The following UNC5C variants were observed in gnomAD, a reference collection of about 807,000 sequenced individuals.
UNC5C encodes netrin receptor UNC5C.
A neutral mutation model predicts 99.8 loss-of-function variants in UNC5C; 47 were observed. The observed-to-expected ratio is 0.47, with a 90% CI of 0.37 to 0.60. The LOEUF (loss-of-function observed/expected upper bound fraction) is 0.60, where lower values mean the gene tolerates loss of function less well. Ranked by LOEUF, UNC5C falls within the 20% of genes least tolerant of loss-of-function variation. The pLI, the probability that UNC5C is intolerant of heterozygous loss-of-function variation, is 0.00. For missense variants in UNC5C, 1,062 were observed against 1,165.9 expected (o/e 0.91, Z 1.30); for synonymous variants, 487 against 452.2 (o/e 1.08, Z -0.98).
intron 1 of UNC5C, among the ~76,000 whole-genome samples, chr4:95,435,768 G>T (rs1013214443): frequency 1.3e-5 from 2 of 151,948 alleles, no homozygotes; most frequent in African/African-American, 2.4e-5. Context: ...AGCAAACTTA[G>T]GTCTCTTTCA....
At chr4:95,440,972 A>G (rs1225153958) in intron 1 of UNC5C, among the ~76,000 whole-genome samples, 1 of 152,194 alleles carries the variant, frequency 6.6e-6, no homozygotes, top group Non-Finnish European at 1.5e-5. Flanking sequence ...GAAGAATCTG[A>G]AAGGACTTCA....
chr4:95,287,579 C>T (rs1044884644), intron 3 of UNC5C, among the ~76,000 whole-genome samples: 12 of 152,284 alleles, frequency 7.9e-5, no homozygotes, highest in Middle Eastern at 3.4e-3. Context: ...CCTTCCAGCT[C>T]GTGTGTCTAT....
chr4:95,261,734 C>T (rs1317573527), intron 4 of UNC5C, among the ~76,000 whole-genome samples: 6 of 148,926 alleles, frequency 4.0e-5, no homozygotes, highest in African/African-American at 1.2e-4. Flanking sequence ...AACGGTGTCT[C>T]GCTCTGTCGC....
At chr4:95,311,330 T>C (rs1028577131) in intron 2 of UNC5C, among the ~76,000 whole-genome samples, 3 of 152,192 alleles carry the variant, frequency 2.0e-5, no homozygotes, top group African/African-American at 4.8e-5. Context: ...GACAGCACTT[T>C]GTTTAATTTG....
At chr4:95,417,961 G>C (rs1746215227) in intron 1 of UNC5C, among the ~76,000 whole-genome samples, 1 of 152,154 alleles carries the variant, frequency 6.6e-6, no homozygotes, top group Non-Finnish European at 1.5e-5. Context: ...GACTCTTGCT[G>C]TATTTTGTTC....
intron 5 of UNC5C, among the ~76,000 whole-genome samples, chr4:95,246,025 A>G (rs1739491619): frequency 6.6e-6 from 1 of 152,232 alleles, no homozygotes; most frequent in Non-Finnish European, 1.5e-5. Flanking sequence ...CACAAACCTT[A>G]TATGTGCACA....
chr4:95,250,392 A>G, intron 5 of UNC5C, 95 bp downstream of exon 5: 2 of 1,331,754 alleles, frequency 1.5e-6, no homozygotes, highest in Non-Finnish European at 2.1e-6. Context: ...CTCAAATAAT[A>G]TGAAATTTTA....
At chr4:95,434,741 G>T (rs752954725) in intron 1 of UNC5C, among the ~76,000 whole-genome samples, 1 of 151,886 alleles carries the variant, frequency 6.6e-6, no homozygotes, top group African/African-American at 2.4e-5. Context: ...ATCTTTCTCC[G>T]CATTGGTCTC....
At chr4:95,320,928 A>G (rs1397297793) in intron 2 of UNC5C, among the ~76,000 whole-genome samples, 1 of 152,182 alleles carries the variant, frequency 6.6e-6, no homozygotes, top group Non-Finnish European at 1.5e-5. Context: ...GCAGGGGAGA[A>G]TTCCTTTATG....
intron 2 of UNC5C, among the ~76,000 whole-genome samples, chr4:95,328,040 C>CTTTTTTTTTTTTTTTTTTTTTTTTTT (rs34794058): frequency 3.4e-5 from 3 of 87,088 alleles, no homozygotes; most frequent in South Asian, 5.2e-4. Context: ...CAGGCAACTT[C>CTTTTTTTTTTTTTTTTTTTTTTTTTT]TTTTTTTTTT....
chr4:95,381,745 G>T (rs1238500000), intron 1 of UNC5C, among the ~76,000 whole-genome samples: 1 of 151,944 alleles, frequency 6.6e-6, no homozygotes, highest in South Asian at 2.1e-4. Context: ...TGATTAAATG[G>T]CAATGTAAGT....
chr4:95,316,931 G>T (rs573765847), intron 2 of UNC5C, among the ~76,000 whole-genome samples: 1 of 146,074 alleles, frequency 6.8e-6, no homozygotes, highest in East Asian at 2.0e-4. Flanking sequence ...TAATGACAGA[G>T]AATGGCTGTA....
At chr4:95,229,328 G>C (rs1012711057) in intron 7 of UNC5C, among the ~76,000 whole-genome samples, 95 of 151,806 alleles carry the variant, frequency 6.3e-4, no homozygotes, top group East Asian at 7.8e-4. Flanking sequence ...CCCTGTGTTG[G>C]TGTGTTCTCA....
chr4:95,165,783 A>G lies in UNC5C; in HGVS notation c.*3451T>C, dbSNP rs1404744183. 1 of 152,186 alleles carries G rather than the reference A, an allele frequency of 6.6e-6. No individual in the cohort carries two copies. The highest frequency in any genetic ancestry group is 1.5e-5 in the Non-Finnish European group (1 of 68,028). The allele number at this position is 152,186 out of a possible 1,614,324, so 9.4% of individuals were successfully genotyped here. A position where few individuals can be genotyped will look rare whatever the true frequency, so the allele number is the denominator to read the frequency against. On this transcript the variant is annotated 3_prime_UTR_variant, in exon 16 of 16. Coordinates refer to ENST00000453304, the MANE Select transcript of UNC5C (RefSeq NM_003728.4). ...ATAAATATTAAGGAACTAAAAGGAG[A>G]TTTAAAGTATACAAACCCCAATGAA...
In UNC5C at chr4:95,164,714, C is replaced by T. The variant is rs1021264763; in HGVS notation, c.*4520G>A. The T allele has an allele frequency of 1.3e-5, 2 of 152,180 alleles. No homozygotes were observed. The highest frequency in any genetic ancestry group is 4.8e-5 in the African/African-American group (2 of 41,438). The allele number at this position is 152,180 out of a possible 1,614,324, so 9.4% of individuals were successfully genotyped here. On this transcript the variant is annotated 3_prime_UTR_variant, in exon 16 of 16. Transcript: ENST00000453304. Reference sequence around the variant, plus strand: ...ATTCTCAAAGAAGATGGATAAAGTCCCATTTCATTTCAGCTGTGTTTCCAT... The same window carrying T: ...ATTCTCAAAGAAGATGGATAAAGTCTCATTTCATTTCAGCTGTGTTTCCAT...
At chr4:95,486,143 AAATATACAT>A (rs1290876035) in intron 1 of UNC5C, among the ~76,000 whole-genome samples, 2 of 151,800 alleles carry the variant, frequency 1.3e-5, no homozygotes, top group Non-Finnish European at 2.9e-5. Context: ...GTTAAAAGTC[AAATATACAT>A]AAAATAAAAC....
chr4:95,533,452 TA>T (rs1310589399), intron 1 of UNC5C, among the ~76,000 whole-genome samples: 2 of 151,798 alleles, frequency 1.3e-5, no homozygotes, highest in Non-Finnish European at 2.9e-5. Flanking sequence ...ATTAATATTT[TA>T]AATGATAAAA....
At chr4:95,234,657 G>A (rs1739041107) in intron 7 of UNC5C, among the ~76,000 whole-genome samples, 1 of 152,084 alleles carries the variant, frequency 6.6e-6, no homozygotes, top group Non-Finnish European at 1.5e-5. Context: ...TTACTCTTTA[G>A]TAATGCATTC....
At chr4:95,548,542 C>T (rs565422144) in intron 1 of UNC5C, among the ~76,000 whole-genome samples, 192 bp downstream of exon 1, 1 of 151,512 alleles carries the variant, frequency 6.6e-6, no homozygotes, top group Non-Finnish European at 1.5e-5. Context: ...ATAGATTAAA[C>T]ATAATAATAA....
Sources: allele counts gnomAD v4.1 joint callset (sites outside exome capture counted in the v4.1 genomes callset), GRCh38; gene constraint gnomAD v4.1.1; transcripts MANE v1.5; gene names NCBI Gene and HGNC (gene_info 2026-07-23, HGNC 2026-07-21).